Variants in INPP4B observed in about 807,000 individuals in gnomAD.
The protein encoded by INPP4B is inositol polyphosphate-4-phosphatase type II B, also known as inositol polyphosphate 4-phosphatase type II.
A neutral mutation model predicts 122.5 loss-of-function variants in INPP4B; 55 were observed. That is an observed-to-expected ratio of 0.45 (90% CI 0.36 to 0.56). The LOEUF is 0.56. Among genes scored for constraint, INPP4B ranks in the 20% least tolerant of loss-of-function variants. The pLI is 0.00. For missense variants in INPP4B, 1,000 were observed against 1,097.7 expected (o/e 0.91, Z 1.26); for synonymous variants, 403 against 388.7 (o/e 1.04, Z -0.43).
At chr4:142,059,200 A>G (rs1390476078) in intron 25 of INPP4B, among the ~76,000 whole-genome samples, 2 of 152,180 alleles carry the variant, frequency 1.3e-5, no homozygotes, top group Non-Finnish European at 2.9e-5. Flanking sequence ...AGAGTAAGCA[A>G]TAACTTTTCA....
At chr4:142,509,950 C>T (rs1824499453) in intron 2 of INPP4B, among the ~76,000 whole-genome samples, 1 of 152,112 alleles carries the variant, frequency 6.6e-6, no homozygotes, top group South Asian at 2.1e-4. Flanking sequence ...GAATTTACTA[C>T]TTAATAAATA....
chr4:142,123,496 G>A (rs932870437), intron 19 of INPP4B, 81 bp from the exon 20 acceptor site: 2 of 1,383,998 alleles, frequency 1.4e-6, no homozygotes, highest in African/African-American at 1.4e-5. Flanking sequence ...GACTTCTGAG[G>A]CATCACAGAT....
intron 1 of INPP4B, among the ~76,000 whole-genome samples, chr4:142,760,323 TC>T (rs1771144501): frequency 6.6e-6 from 1 of 152,150 alleles, no homozygotes; most frequent in South Asian, 2.1e-4. Flanking sequence ...GGACAAAACA[TC>T]TTTTAACTAA....
intron 5 of INPP4B, among the ~76,000 whole-genome samples, chr4:142,409,442 G>C (rs990287829): frequency 6.6e-6 from 1 of 152,048 alleles, no homozygotes; most frequent in Non-Finnish European, 1.5e-5. Context: ...GCAGTGAGCC[G>C]AGATTGCGTC....
chr4:142,150,445 A>T (rs973323420), intron 17 of INPP4B, among the ~76,000 whole-genome samples: 1 of 152,198 alleles, frequency 6.6e-6, no homozygotes, highest in Non-Finnish European at 1.5e-5. Context: ...TACTGTATGA[A>T]GGAAGTAATG....
At chr4:142,659,853 G>A (rs75298462) in intron 2 of INPP4B, among the ~76,000 whole-genome samples, 3,810 of 152,042 alleles carry the variant, frequency 0.025, 56 homozygotes, top group Middle Eastern at 0.088. Context: ...CCTTGCATTC[G>A]GCTTATGATA....
intron 14 of INPP4B, among the ~76,000 whole-genome samples, chr4:142,200,033 T>G (rs1051071575): frequency 4.6e-5 from 7 of 152,072 alleles, no homozygotes; most frequent in Admixed American, 4.6e-4. Context: ...AATAGTAATT[T>G]TTTGTTTCAT....
At chr4:142,377,538 T>A (rs185296832) in intron 7 of INPP4B, among the ~76,000 whole-genome samples, 2 of 152,006 alleles carry the variant, frequency 1.3e-5, no homozygotes, top group African/African-American at 4.8e-5. Flanking sequence ...AGAAGAGGGG[T>A]TTTTCTCTCC....
chr4:142,582,973 T>C lies in INPP4B; in HGVS notation c.-190-120247A>G, dbSNP rs575206525. 4.6e-5 allele frequency among the ~76,000 whole-genome samples: 7 copies of C among 152,276 alleles called. 1 individual carries two copies. In the South Asian group the frequency reaches 1.4e-3, roughly 32 times the overall value. On this transcript the variant is annotated intron_variant, in intron 2 of 25. Coordinates refer to ENST00000262992, the MANE Select transcript of INPP4B (RefSeq NM_001101669.3). ...AACCAAAAATTAATGACAATTTATA[T>C]TGAGTTTTATATATGAAATGCAGAG...
At chr4:142,146,148 G>A in intron 17 of INPP4B, 152 bp from the exon 18 acceptor site, 1 of 783,076 alleles carries the variant, frequency 1.3e-6, no homozygotes, top group Non-Finnish European at 2.0e-6. Context: ...GTCAGACTAT[G>A]GATATATAAT....
At chr4:142,081,801 A>C (rs1157776092) in intron 25 of INPP4B, among the ~76,000 whole-genome samples, 2 of 152,070 alleles carry the variant, frequency 1.3e-5, no homozygotes, top group Non-Finnish European at 2.9e-5. Context: ...TCTAAAAGTG[A>C]AAAGTTTAGA....
chr4:142,771,919 T>G (rs1488083702), intron 1 of INPP4B, among the ~76,000 whole-genome samples: 1 of 152,114 alleles, frequency 6.6e-6, no homozygotes. Context: ...TTCTATGAGC[T>G]TCTCTCTCAC....
chr4:142,574,014 A>G (rs1460759573), intron 2 of INPP4B, among the ~76,000 whole-genome samples: 2 of 152,096 alleles, frequency 1.3e-5, no homozygotes, highest in African/African-American at 4.8e-5. Context: ...GGGAAATATG[A>G]TGTTATCCAT....
chr4:142,764,853 C>T (rs1771862532), intron 1 of INPP4B, among the ~76,000 whole-genome samples: 1 of 151,900 alleles, frequency 6.6e-6, no homozygotes, highest in Admixed American at 6.6e-5. Flanking sequence ...ACCATCGAGG[C>T]CCTTAAATAT....
chr4:142,844,735 C>T (rs554550813), intron 1 of INPP4B, among the ~76,000 whole-genome samples: 6 of 152,364 alleles, frequency 3.9e-5, no homozygotes, highest in African/African-American at 1.2e-4. Flanking sequence ...GTTGATGATT[C>T]CTTGCACCTT....
chr4:142,635,510 T>A (rs779558900), intron 2 of INPP4B, among the ~76,000 whole-genome samples: 1 of 152,124 alleles, frequency 6.6e-6, no homozygotes, highest in East Asian at 1.9e-4. Flanking sequence ...ATATACACCA[T>A]GGAATACCAT....
intron 7 of INPP4B, among the ~76,000 whole-genome samples, chr4:142,342,052 G>A (rs918860336): frequency 1.3e-5 from 2 of 152,136 alleles, no homozygotes; most frequent in Non-Finnish European, 2.9e-5. Flanking sequence ...TATATGTTGT[G>A]TTAAGCTACT....
intron 1 of INPP4B, among the ~76,000 whole-genome samples, chr4:142,823,240 A>G (rs912050667): frequency 6.6e-6 from 1 of 152,160 alleles, no homozygotes; most frequent in Non-Finnish European, 1.5e-5. Context: ...TTTCCCCAAG[A>G]TATTAATGAA....
chr4:142,798,723 T>A (rs1251819803), intron 1 of INPP4B, among the ~76,000 whole-genome samples: 3 of 151,898 alleles, frequency 2.0e-5, no homozygotes, highest in Non-Finnish European at 2.9e-5. Flanking sequence ...AACTACTATA[T>A]TTCACAGTAA....
Sources: gnomAD v4.1 joint callset for allele counts (sites outside exome capture counted in the v4.1 genomes callset) on GRCh38, gnomAD v4.1.1 for gene constraint, MANE v1.5 for transcripts, NCBI Gene and HGNC (gene_info 2026-07-23, HGNC 2026-07-21) for gene names.